Variants in GAB2 observed in about 807,000 individuals in gnomAD.
GAB2 encodes GRB2 associated binding protein 2.
Under a neutral mutation model 65.5 loss-of-function variants are expected in GAB2, and 26 were observed. The ratio of observed to expected loss-of-function variants is 0.40; its 90% CI spans 0.29 to 0.55. GAB2 has a LOEUF of 0.55. GAB2 is among the 20% of genes least tolerant of loss of function. The pLI, the probability that GAB2 is intolerant of heterozygous loss-of-function variation, is 0.53. For missense variants in GAB2, 884 were observed against 875.8 expected (o/e 1.01, Z -0.12); for synonymous variants, 321 against 329.6 (o/e 0.97, Z 0.28).
intron 1 of GAB2, among the ~76,000 whole-genome samples, chr11:78,352,260 A>G (rs1856290142): frequency 6.6e-6 from 1 of 152,198 alleles, no homozygotes; most frequent in South Asian, 2.1e-4. Flanking sequence ...ACTGGGGGCC[A>G]AAGTCAGACG....
chr11:78,397,325 TA>T (rs1464970867), intron 1 of GAB2, among the ~76,000 whole-genome samples: 1 of 152,204 alleles, frequency 6.6e-6, no homozygotes, highest in Non-Finnish European at 1.5e-5. Flanking sequence ...AATGAACCAA[TA>T]ACTTACTGTG....
At chr11:78,400,501 T>C (rs571039498) in intron 1 of GAB2, among the ~76,000 whole-genome samples, 2 of 152,336 alleles carry the variant, frequency 1.3e-5, no homozygotes, top group Admixed American at 1.3e-4. Context: ...AATTTGGATG[T>C]AGACAACAGC....
chr11:78,310,397 C>T, intron 1 of GAB2, among the ~76,000 whole-genome samples: 1 of 149,834 alleles, frequency 6.7e-6, no homozygotes, highest in Non-Finnish European at 1.5e-5. Flanking sequence ...CCTGTAGTCC[C>T]AGCTACTCGG....
At chr11:78,297,183 A>G (rs1171582784) in intron 1 of GAB2, among the ~76,000 whole-genome samples, 2 of 152,156 alleles carry the variant, frequency 1.3e-5, no homozygotes, top group Non-Finnish European at 2.9e-5. Flanking sequence ...AGTTTGGTGT[A>G]CTCAAATGAT....
chr11:78,219,457 C>T (rs1311009793), intron 9 of GAB2, 42 bp from the exon 10 acceptor site: 1 of 1,595,180 alleles, frequency 6.3e-7, no homozygotes. Flanking sequence ...CTGTGAGTTA[C>T]CAGTTAGGTG....
chr11:78,392,729 G>A (rs1477105442), intron 1 of GAB2, among the ~76,000 whole-genome samples: 2 of 152,110 alleles, frequency 1.3e-5, no homozygotes, highest in African/African-American at 4.8e-5. Context: ...ACCTTACCTC[G>A]ACATTCATGA....
intron 1 of GAB2, among the ~76,000 whole-genome samples, chr11:78,407,506 G>A (rs141465022): frequency 1.3e-3 from 191 of 151,918 alleles, no homozygotes; most frequent in African/African-American, 4.0e-3. Flanking sequence ...GGTGGTGAGC[G>A]CCTGTAATCT....
chr11:78,324,786 A>G (rs7113042), intron 1 of GAB2: 40,807 of 152,134 alleles, frequency 0.27, 6,403 homozygotes, highest in African/African-American at 0.42. Flanking sequence ...CCAAAAGACC[A>G]TACAAGGTAA....
intron 1 of GAB2, among the ~76,000 whole-genome samples, chr11:78,390,440 T>C (rs1450480384): frequency 2.0e-5 from 3 of 152,078 alleles, no homozygotes; most frequent in African/African-American, 7.2e-5. Context: ...AAAATAAAAA[T>C]TAGCTGAGTA....
chr11:78,385,606 A>G (rs779535406), intron 1 of GAB2, among the ~76,000 whole-genome samples: 9 of 152,218 alleles, frequency 5.9e-5, no homozygotes, highest in Non-Finnish European at 1.3e-4. Context: ...CTTATTAAAT[A>G]CCAGAGAACT....
intron 1 of GAB2, among the ~76,000 whole-genome samples, chr11:78,403,903 CTTT>C (rs1036825158): frequency 6.6e-6 from 1 of 151,336 alleles, no homozygotes; most frequent in African/African-American, 2.4e-5. Flanking sequence ...GCATTCAGTT[CTTT>C]TTTTTTGTAA....
At chr11:78,360,948 C>T (rs1414669907) in intron 1 of GAB2, among the ~76,000 whole-genome samples, 1 of 152,022 alleles carries the variant, frequency 6.6e-6, no homozygotes, top group Non-Finnish European at 1.5e-5. Flanking sequence ...TAAAGAAAAA[C>T]AAGAATAGCA....
chr11:78,332,722 C>A (rs1314712839), intron 1 of GAB2, among the ~76,000 whole-genome samples: 1 of 152,122 alleles, frequency 6.6e-6, no homozygotes, highest in Non-Finnish European at 1.5e-5. Flanking sequence ...CTGGCTTGAA[C>A]AGTAGGGAAA....
chr11:78,334,716 G>T (rs1482274008), intron 1 of GAB2, among the ~76,000 whole-genome samples: 1 of 152,352 alleles, frequency 6.6e-6, no homozygotes, highest in East Asian at 1.9e-4. Flanking sequence ...ACAAACATGG[G>T]AGTGCAGGTA....
At chr11:78,296,038 A>G (rs1347404486) in intron 1 of GAB2, among the ~76,000 whole-genome samples, 1 of 152,206 alleles carries the variant, frequency 6.6e-6, no homozygotes, top group Admixed American at 6.5e-5. Context: ...TCAGATCATC[A>G]GGCATTAGAT....
chr11:78,331,437 G>A (rs1855912362), intron 1 of GAB2, among the ~76,000 whole-genome samples: 1 of 151,868 alleles, frequency 6.6e-6, no homozygotes, highest in Non-Finnish European at 1.5e-5. Flanking sequence ...AGTAGAGACG[G>A]GGTTTTACCA....
intron 1 of GAB2, among the ~76,000 whole-genome samples, chr11:78,334,849 T>C (rs1177733917): frequency 6.6e-6 from 1 of 152,248 alleles, no homozygotes; most frequent in Non-Finnish European, 1.5e-5. Context: ...GTTGTACTAA[T>C]TCATGTTCCC....
intron 1 of GAB2, among the ~76,000 whole-genome samples, chr11:78,305,357 A>G (rs1855333492): frequency 6.6e-6 from 1 of 152,202 alleles, no homozygotes; most frequent in Admixed American, 6.5e-5. Flanking sequence ...GCAGTGTTCT[A>G]CACAATTTAG....
At chr11:78,302,317 A>G (rs879436682) in intron 1 of GAB2, among the ~76,000 whole-genome samples, 10 of 152,210 alleles carry the variant, frequency 6.6e-5, no homozygotes, top group African/African-American at 1.9e-4. Flanking sequence ...ACAATCTACA[A>G]TGAACTCAAG....
Sources: allele counts gnomAD v4.1 joint callset (sites outside exome capture counted in the v4.1 genomes callset), GRCh38; gene constraint gnomAD v4.1.1; transcripts MANE v1.5; gene names NCBI Gene and HGNC (gene_info 2026-07-23, HGNC 2026-07-21).